CPNE8: variants seen among roughly 807,000 people sequenced by gnomAD.
CPNE8 encodes the protein copine-8.
A neutral mutation model predicts 81.5 loss-of-function variants in CPNE8; 45 were observed. The observed-to-expected ratio is 0.55, with a 90% CI of 0.44 to 0.71. The LOEUF (loss-of-function observed/expected upper bound fraction) is 0.71, where lower values mean the gene tolerates loss of function less well. Among genes scored for constraint, CPNE8 ranks in the 30% least tolerant of loss-of-function variants. The pLI, the probability that CPNE8 is intolerant of heterozygous loss-of-function variation, is 0.00. For synonymous variants in CPNE8, 252 were observed against 226.3 expected, an observed-to-expected ratio of 1.11 and a Z score of -1.02; for missense variants, 594 against 672.1, an observed-to-expected ratio of 0.88 and a Z score of 1.28.
chr12:38,788,298 A>G (rs906226758), intron 6 of CPNE8, among the ~76,000 whole-genome samples: 10 of 151,928 alleles, frequency 6.6e-5, no homozygotes, highest in Non-Finnish European at 1.5e-4. Flanking sequence ...GAATGCAAGG[A>G]TGGTTCGACA....
intron 10 of CPNE8, among the ~76,000 whole-genome samples, chr12:38,731,025 G>A (rs1001637864): frequency 2.6e-5 from 4 of 151,902 alleles, no homozygotes; most frequent in Admixed American, 2.0e-4. Flanking sequence ...TTCATCAACT[G>A]AGGTTGACCT....
At chr12:38,905,096 T>G (rs1944548744) in intron 1 of CPNE8, among the ~76,000 whole-genome samples, 1 of 152,064 alleles carries the variant, frequency 6.6e-6, no homozygotes, top group Non-Finnish European at 1.5e-5. Context: ...CCCCTTCGAT[T>G]CCGGTCATCA....
intron 4 of CPNE8, among the ~76,000 whole-genome samples, chr12:38,843,330 C>G (rs997893646): frequency 1.3e-5 from 2 of 152,156 alleles, no homozygotes; most frequent in African/African-American, 4.8e-5. Context: ...TAGCTCAGAG[C>G]TACTGAATCA....
chr12:38,854,505 A>T (rs1420804953), intron 3 of CPNE8, among the ~76,000 whole-genome samples: 1 of 151,810 alleles, frequency 6.6e-6, no homozygotes, highest in Non-Finnish European at 1.5e-5. Context: ...TTTGATGATC[A>T]CAGGTGCAAA....
At chr12:38,717,458 T>TATATATATATATATAC (rs1339046227) in intron 13 of CPNE8, among the ~76,000 whole-genome samples, 13 of 138,738 alleles carry the variant, frequency 9.4e-5, no homozygotes, top group East Asian at 2.1e-4. Flanking sequence ...TATATATATA[T>TATATATATATATATAC]ACACCATGGA....
intron 6 of CPNE8, among the ~76,000 whole-genome samples, chr12:38,781,372 A>T (rs2136904412): frequency 6.6e-6 from 1 of 152,166 alleles, no homozygotes; most frequent in East Asian, 1.9e-4. Context: ...TTATATAAAA[A>T]TTAAATTCAG....
chr12:38,679,356 T>C (rs1939362054), intron 16 of CPNE8, among the ~76,000 whole-genome samples: 1 of 151,854 alleles, frequency 6.6e-6, no homozygotes, highest in Non-Finnish European at 1.5e-5. Context: ...TATAAGAGAG[T>C]TATAGATACA....
intron 1 of CPNE8, among the ~76,000 whole-genome samples, chr12:38,875,199 T>G (rs1250413520): frequency 6.6e-6 from 1 of 152,166 alleles, no homozygotes; most frequent in Non-Finnish European, 1.5e-5. Flanking sequence ...AGTGTATTGC[T>G]ACCCTCAGTG....
Position 38,848,073 on chromosome 12 carries a change from CTT to C in CPNE8, c.290+484_290+485del, listed in dbSNP as rs1943585446. Among the ~76,000 whole-genome samples the C allele has an allele frequency of 2.0e-5, 3 of 152,192 alleles. No homozygotes were observed. In the South Asian group the frequency reaches 6.2e-4, roughly 32 times the overall value. ...GACAATAATGTTTTAATATGCCAGACTTAGTATCAAAGTAACAAGAATACTTA... is the reference window on the plus strand; with the variant it reads ...GACAATAATGTTTTAATATGCCAGACAGTATCAAAGTAACAAGAATACTTA... On this transcript the variant is annotated intron_variant, in intron 4 of 19. Coordinates refer to ENST00000331366, the MANE Select transcript of CPNE8 (RefSeq NM_153634.3).
At chr12:38,821,887 C>T (rs528884917) in intron 6 of CPNE8, among the ~76,000 whole-genome samples, 3 of 152,216 alleles carry the variant, frequency 2.0e-5, no homozygotes, top group South Asian at 4.1e-4. Context: ...GATTAAACTT[C>T]GATTATATGT....
chr12:38,684,641 C>T (rs991376223), intron 16 of CPNE8, among the ~76,000 whole-genome samples: 3 of 151,898 alleles, frequency 2.0e-5, no homozygotes, highest in Non-Finnish European at 2.9e-5. Flanking sequence ...CTGAAGTTGC[C>T]GGTAATATTC....
At chr12:38,852,686 T>C (rs1943665180) in intron 3 of CPNE8, among the ~76,000 whole-genome samples, 1 of 152,170 alleles carries the variant, frequency 6.6e-6, no homozygotes, top group South Asian at 2.1e-4. Context: ...AGACATGTGT[T>C]TGATTTACAC....
At chr12:38,844,815 G>C (rs1943527950) in intron 4 of CPNE8, among the ~76,000 whole-genome samples, 1 of 151,962 alleles carries the variant, frequency 6.6e-6, no homozygotes, top group Non-Finnish European at 1.5e-5. Flanking sequence ...CATGTTCAAA[G>C]CTTCTTTTTT....
chr12:38,867,406 T>C (rs1943933315), intron 3 of CPNE8, among the ~76,000 whole-genome samples: 1 of 150,474 alleles, frequency 6.6e-6, no homozygotes, highest in African/African-American at 2.4e-5. Context: ...CAAGTATTAT[T>C]CAGTATGGAG....
intron 10 of CPNE8, among the ~76,000 whole-genome samples, chr12:38,748,041 C>T (rs569942519): frequency 6.6e-6 from 1 of 152,166 alleles, no homozygotes; most frequent in Admixed American, 6.5e-5. Flanking sequence ...GAGACAGTCT[C>T]ACTCTGTCGC....
intron 9 of CPNE8, among the ~76,000 whole-genome samples, chr12:38,761,332 A>T (rs765242857): frequency 6.6e-6 from 1 of 152,190 alleles, no homozygotes; most frequent in Non-Finnish European, 1.5e-5. Context: ...TTGAATTTCT[A>T]TGAGATCACC....
intron 6 of CPNE8, among the ~76,000 whole-genome samples, chr12:38,799,343 T>G (rs1036661447): frequency 2.6e-5 from 4 of 152,054 alleles, no homozygotes; most frequent in Admixed American, 6.6e-5. Flanking sequence ...TACAACAAAC[T>G]GTCTCTCAGA....
chr12:38,901,286 T>A (rs1163500191), intron 1 of CPNE8, among the ~76,000 whole-genome samples: 1 of 152,164 alleles, frequency 6.6e-6, no homozygotes, highest in Non-Finnish European at 1.5e-5. Context: ...GTACATTTGA[T>A]ACCTAACATG....
chr12:38,686,524 T>G (rs1026708414), intron 15 of CPNE8, among the ~76,000 whole-genome samples: 1 of 152,228 alleles, frequency 6.6e-6, no homozygotes, highest in Non-Finnish European at 1.5e-5. Flanking sequence ...TATTGCTATG[T>G]AACAAATTAC....
Sources: allele counts gnomAD v4.1 joint callset (sites outside exome capture counted in the v4.1 genomes callset), GRCh38; gene constraint gnomAD v4.1.1; transcripts MANE v1.5; gene names NCBI Gene and HGNC (gene_info 2026-07-23, HGNC 2026-07-21).